MAP1S: variants seen among roughly 807,000 people sequenced by gnomAD.
MAP1S encodes microtubule-associated protein 1S.
In MAP1S, 27 loss-of-function variants were observed where a neutral mutation model predicts 60.9. The ratio of observed to expected loss-of-function variants is 0.44; its 90% confidence interval spans 0.33 to 0.61. The LOEUF is 0.61. Ranked by LOEUF, MAP1S falls within the 20% of genes least tolerant of loss-of-function variation. MAP1S has a pLI of 0.03. For missense variants in MAP1S, 1,608 were observed against 1,486.6 expected, an observed-to-expected ratio of 1.08 and a Z score of -1.34; for synonymous variants, 826 against 694.2, an observed-to-expected ratio of 1.19 and a Z score of -2.98.
At chr19:17,731,650 G>A (rs1409010093) in intron 5 of MAP1S, among the ~76,000 whole-genome samples, 1 of 152,098 alleles carries the variant, frequency 6.6e-6, no homozygotes, top group Non-Finnish European at 1.5e-5. Context: ...TTTGTACCTT[G>A]CTTCTTTGCT....
rs781732324 is a variant in MAP1S, at chr19:17,733,238, C to G, written c.2834C>G (p.Ser945Cys). The G allele has an allele frequency of 1.3e-6, 2 of 1,550,870 alleles. No homozygotes were observed. The highest frequency in any genetic ancestry group is 1.7e-6 in the Non-Finnish European group (2 of 1,147,866). Reference protein sequence around the residue: ...RPGVSATPPKSPVYLDLAYLP... With the variant: ...RPGVSATPPKCPVYLDLAYLP... ...GGGGTGTCAGCCACCCCACCCAAGT[C>G]CCCGGTCTACCTGGACCTGGCCTAC... The change falls in exon 6 of 7, where the codon TCC (serine) becomes TGC (cysteine). Residue 945 changes from serine (S) to cysteine (C), a missense_variant. Transcript: ENST00000324096.
chr19:17,728,170 C>T lies in MAP1S; in HGVS notation c.2786C>T (p.Ser929Leu), dbSNP rs776960419. 11 of 1,582,768 alleles carry T rather than the reference C, an allele frequency of 6.9e-6. No homozygotes were observed. In the East Asian group the frequency reaches 1.1e-4, roughly 16 times the overall value. Residue 929 changes from serine to leucine, a missense_variant and splice_region_variant, in exon 5 of 7, where the codon TCG becomes TTG. Around this residue, in one of 4 missense-constraint regions of MAP1S, gnomAD observed 1,167 missense variants for 961.4 expected, o/e 1.21. Coordinates refer to ENST00000324096, the MANE Select transcript of MAP1S (RefSeq NM_018174.6). The stretch of plus-strand genomic sequence containing the variant: ...CCCAAGACTGCCACTCGAGGCCCGT[C>T]GGGTGAGTACTGGAGCTGGGGCCCT... ...STPKTATRGP[S>L]GSASSRPGVS...
In MAP1S at chr19:17,726,389, G is replaced by T. The variant is rs777561470; in HGVS notation, c.1005G>T (p.Gly335=). ...RLRRLISPNL[G]VVFFNACEAA... is the part of the protein sequence containing the mutation. ...GCAGGCTCATCTCCCCCAACCTGGG[G>T]GTCGTGTTCTTCAACGCCTGCGAGG... Residue 335 remains glycine (G), a synonymous_variant, in exon 5 of 7, where the codon GGG becomes GGT. Transcript: ENST00000324096. The T allele has an allele frequency of 1.9e-6, 3 of 1,592,484 alleles. No homozygotes were observed. Among genetic ancestry groups the T allele is most frequent in the Non-Finnish European group, 2.6e-6 (3 of 1,176,314 alleles).
At chr19:17,732,726 C>T (rs372418035) in intron 5 of MAP1S, among the ~76,000 whole-genome samples, 43 of 152,356 alleles carry the variant, frequency 2.8e-4, no homozygotes, top group East Asian at 1.7e-3. Flanking sequence ...GGTCCAGGCA[C>T]TGGCTGCTTT....
In MAP1S at chr19:17,728,267, A is replaced by T. The variant is rs748186906; in HGVS notation, c.2788+95A>T. ...CTGTTTTTACATTTTCAGTTTTTTT[A>T]AAAGAGATGGTCTCACTCTGTCTCT... On this transcript the variant is annotated intron_variant, in intron 5 of 6. Transcript: ENST00000324096. The T allele has an allele frequency of 3.0e-6, 4 of 1,313,128 alleles. No homozygotes were observed. In the South Asian group the frequency reaches 6.3e-5, roughly 21 times the overall value. The allele number at this position is 1,313,128 out of a possible 1,614,324, so 81.3% of individuals were successfully genotyped here.
In MAP1S at chr19:17,727,284, C is replaced by T. The variant is rs776731465; in HGVS notation, c.1900C>T (p.Pro634Ser). The stretch of plus-strand genomic sequence containing the variant: ...GCTGCCTTTGGCCGCCAGCTCAATC[C>T]CAAGGCCACGCACACCCTCCCCTGA... The part of the protein sequence containing the change: ...LELPLAASSI[P>S]RPRTPSPESH... Residue 634 changes from proline (P) to serine (S), a missense_variant, in exon 5 of 7, where the codon CCA becomes TCA. By Grantham distance (74) the Pro-to-Ser change is moderately conservative. Coordinates refer to ENST00000324096, the MANE Select transcript of MAP1S (RefSeq NM_018174.6). This position sits in a 1 kb window ranked among gnomAD's most constrained non-coding sequence, Gnocchi z 4.1. 1.9e-6 allele frequency: 3 copies of T among 1,586,654 alleles called. No homozygotes were observed. The highest frequency in any genetic ancestry group is 1.7e-5 in the Admixed American group (1 of 57,358).
In MAP1S at chr19:17,727,555, C is replaced by T. The variant is rs778850751; in HGVS notation, c.2171C>T (p.Pro724Leu). 1.2e-5 allele frequency: 19 copies of T among 1,608,316 alleles called. No homozygotes were observed. The highest frequency in any genetic ancestry group is 2.2e-5 in the East Asian group (1 of 44,816). The change falls in exon 5 of 7, where the codon CCC (proline) becomes CTC (leucine). Residue 724 changes from proline to leucine, a missense_variant. By Grantham distance (98) the Pro-to-Leu change is moderately conservative. This residue lies in a region of MAP1S where 1,167 missense variants were observed against 961.4 expected (regional missense o/e 1.21). Coordinates refer to ENST00000324096, the MANE Select transcript of MAP1S (RefSeq NM_018174.6). This position sits in a 1 kb window ranked among gnomAD's most constrained non-coding sequence, Gnocchi z 4.1. ...GGGCTGAGCCTCCCGCTGCGTGGCC[C>T]CCGGGCGCGGCGCTCGGCTTCCCCA... Reference protein sequence around the residue: ...EAGLSLPLRGPRARRSASPHD... With the variant: ...EAGLSLPLRGLRARRSASPHD...
chr19:17,721,894 A>G (rs1395919569), intron 2 of MAP1S, among the ~76,000 whole-genome samples: 2 of 152,184 alleles, frequency 1.3e-5, no homozygotes, highest in Non-Finnish European at 2.9e-5. Flanking sequence ...TGAGCAGAGC[A>G]GCAGGCGGGC....
At chr19:17,731,239 G>GT in intron 5 of MAP1S, among the ~76,000 whole-genome samples, 1 of 152,102 alleles carries the variant, frequency 6.6e-6, no homozygotes, top group Non-Finnish European at 1.5e-5. Flanking sequence ...TCTTCCAGGA[G>GT]TTTTAAGTTT....
At position 17,726,434 on chromosome 19, in the gene MAP1S, C is replaced by T. The variant is rs547292618; in HGVS notation, c.1050C>T (p.Arg350=). The change falls in exon 5 of 7, where the codon CGC becomes CGT. Residue 350 remains arginine (R), a synonymous_variant. Coordinates refer to ENST00000324096, the MANE Select transcript of MAP1S (RefSeq NM_018174.6). The part of the protein sequence containing the change: ...NACEAASRLA[R]GEDEAELALS... Reference sequence around the variant, plus strand: ...GCGAGGCCGCGTCGCGGCTGGCGCGCGGCGAGGATGAGGCGGAGCTGGCGC... The same window carrying T: ...GCGAGGCCGCGTCGCGGCTGGCGCGTGGCGAGGATGAGGCGGAGCTGGCGC... The T allele has an allele frequency of 9.6e-6, 15 of 1,561,136 alleles. No homozygotes were observed. Among genetic ancestry groups the T allele is most frequent in the African/African-American group, 8.1e-5 (6 of 74,372 alleles).
rs374654431 is a variant in MAP1S at position 17,725,839 on chromosome 19, T to A, written c.455T>A (p.Ile152Asn). 1.9e-6 allele frequency: 3 copies of A among 1,611,300 alleles called. No homozygotes were observed. The African/African-American group carries it at 4.0e-5, about 22-fold the overall frequency. The change falls in exon 5 of 7, where the codon ATC (isoleucine) becomes AAC (asparagine). Residue 152 changes from isoleucine (I) to asparagine (N), a missense_variant. This residue lies in a region of MAP1S where 320 missense variants were observed against 393.1 expected (regional missense o/e 0.81). Coordinates refer to ENST00000324096, the MANE Select transcript of MAP1S (RefSeq NM_018174.6). This position sits in a 1 kb window ranked among gnomAD's most constrained non-coding sequence, Gnocchi z 4.2. ...TCCTCCTCCATACAGATCCGGGACA[T>A]CCTGGCCACCACGCCCCCACCTGTG... ...QVLKDREIRDILATTPPPVQP... is the reference protein window; with the variant it reads ...QVLKDREIRDNLATTPPPVQP...
chr19:17,727,708 G>C lies in MAP1S; in HGVS notation c.2324G>C (p.Gly775Ala). 6.2e-7 allele frequency: 1 copy of C among 1,608,294 alleles called. No individual in the cohort carries two copies. The highest frequency in any genetic ancestry group is 8.5e-7 in the Non-Finnish European group (1 of 1,178,274). The change falls in exon 5 of 7, where the codon GGT (glycine) becomes GCT (alanine). Residue 775 changes from glycine to alanine, a missense_variant. Gly to Ala is a moderately conservative substitution (Grantham distance 60). Transcript: ENST00000324096. The surrounding 1 kb of genome is among the most constrained non-coding windows in gnomAD (Gnocchi z 4.1). ...AGTGCCCGGTCACAGGAACGGGCAGGTGGGCTGGGGGCCGAGGAGACGCCA... is the reference window on the plus strand; with the variant it reads ...AGTGCCCGGTCACAGGAACGGGCAGCTGGGCTGGGGGCCGAGGAGACGCCA... Reference protein sequence around the residue: ...DSSARSQERAGGLGAEETPPT... With the variant: ...DSSARSQERAAGLGAEETPPT...
At chr19:17,719,870 C>T (rs2080355124) in intron 1 of MAP1S, 2 of 161,440 alleles carry the variant, frequency 1.2e-5, no homozygotes, top group Admixed American at 6.5e-5. Context: ...CCCGCCCCAA[C>T]TCCGGGTGAA....
Position 17,734,483 on chromosome 19 carries a change from C to A in MAP1S, c.*55C>A. On this transcript the variant is annotated 3_prime_UTR_variant, in exon 7 of 7. Coordinates refer to ENST00000324096, the MANE Select transcript of MAP1S (RefSeq NM_018174.6). ...CCAGCCCGCCTGTCCCTAGATTCAG[C>A]CACATCAGAAATAAACTGTGACTAC... is the stretch of plus-strand genomic sequence containing the variant. 6.4e-7 allele frequency: 1 copy of A among 1,563,262 alleles called. No homozygotes were observed. Among genetic ancestry groups the A allele is most frequent in the Admixed American group, 1.8e-5 (1 of 56,428 alleles).
chr19:17,734,460 A>G lies in MAP1S; in HGVS notation c.*32A>G, dbSNP rs1390250816. On this transcript the variant is annotated 3_prime_UTR_variant, in exon 7 of 7. Transcript: ENST00000324096. The stretch of plus-strand genomic sequence containing the variant: ...CGCCGACACGCCCCCCACTCAGCCC[A>G]GCCCGCCTGTCCCTAGATTCAGCCA... The G allele has an allele frequency of 6.3e-7, 1 of 1,585,942 alleles. No individual in the cohort carries two copies. The highest frequency in any genetic ancestry group is 2.3e-5 in the East Asian group (1 of 44,286).
In MAP1S at chr19:17,725,855, C is replaced by G. The variant is rs1222339209; in HGVS notation, c.471C>G (p.Pro157=). 8 of 1,613,058 alleles carry G rather than the reference C, an allele frequency of 5.0e-6. No homozygotes were observed. The African/African-American group carries it at 6.7e-5, about 13-fold the overall frequency. The change falls in exon 5 of 7, where the codon CCC becomes CCG. Residue 157 remains proline, a synonymous_variant. Transcript: ENST00000324096. The surrounding 1 kb of genome is among the most constrained non-coding windows in gnomAD (Gnocchi z 4.2). ...REIRDILATT[P]PPVQPPILTI... ...TCCGGGACATCCTGGCCACCACGCC[C>G]CCACCTGTGCAGCCGCCCATACTCA...
chr19:17,733,202 G>C lies in MAP1S; in HGVS notation c.2798G>C (p.Ser933Thr). The change falls in exon 6 of 7, where the codon AGC becomes ACC. Residue 933 changes from serine (S) to threonine (T), a missense_variant. Ser to Thr is a moderately conservative substitution (Grantham distance 58, BLOSUM62 1). This residue lies in a region of MAP1S where 1,167 missense variants were observed against 961.4 expected (regional missense o/e 1.21). Transcript: ENST00000324096. The part of the protein sequence containing the change: ...TATRGPSGSA[S>T]SRPGVSATPP... ...ATCCCCCCGCCCGCAGGGTCAGCCA[G>C]CAGCCGGCCCGGGGTGTCAGCCACC... 3 of 1,536,692 alleles carry C rather than the reference G, an allele frequency of 2.0e-6. No individual in the cohort carries two copies. Among genetic ancestry groups the C allele is most frequent in the Non-Finnish European group, 2.6e-6 (3 of 1,139,632 alleles).
intron 2 of MAP1S, chr19:17,721,435 G>A (rs191808570): frequency 3.9e-4 from 118 of 301,840 alleles, no homozygotes; most frequent in Non-Finnish European, 6.9e-4. Context: ...TCAGCACTTT[G>A]GGAGGCCGCA....
At chr19:17,719,684 G>A in intron 1 of MAP1S, 64 bp downstream of exon 1, 1 of 906,920 alleles carries the variant, frequency 1.1e-6, no homozygotes, top group Non-Finnish European at 1.4e-6. Context: ...TCTGGGCCCG[G>A]GGCCGGCGGG....
Sources: allele counts gnomAD v4.1 joint callset (sites outside exome capture counted in the v4.1 genomes callset), GRCh38; gene constraint gnomAD v4.1.1; regional missense constraint gnomAD v4.1.1; non-coding constraint Gnocchi (gnomAD v3.1); transcripts MANE v1.5; gene names NCBI Gene and HGNC (gene_info 2026-07-23, HGNC 2026-07-21).